Variants in NXPE2 observed in about 807,000 individuals in gnomAD.
NXPE2 encodes neurexophilin and PC-esterase domain family member 2.
In NXPE2, 34 loss-of-function variants were observed where a neutral mutation model predicts 34.4. That is an observed-to-expected ratio of 0.99 (90% CI 0.75 to 1.31). The LOEUF (loss-of-function observed/expected upper bound fraction) is 1.31, where lower values mean the gene tolerates loss of function less well. Ranked by LOEUF, NXPE2 falls within the 40% of genes most tolerant of loss-of-function variation. NXPE2 has a pLI of 0.00. For synonymous variants in NXPE2, 235 were observed against 231.3 expected (o/e 1.02, Z -0.15); for missense variants, 649 against 672.5 (o/e 0.97, Z 0.39).
chr11:114,612,014 T>C, the NXPE2 span, among the ~76,000 whole-genome samples: 1 of 151,740 alleles, frequency 6.6e-6, no homozygotes, highest in East Asian at 1.9e-4. Context: ...TCATGCCTCA[T>C]GGGTAACCAC....
At chr11:114,512,211 G>A in the NXPE2 span, among the ~76,000 whole-genome samples, 1 of 152,134 alleles carries the variant, frequency 6.6e-6, no homozygotes, top group African/African-American at 2.4e-5. Flanking sequence ...TTTCGAATGG[G>A]ATGCTTGGAT....
chr11:114,722,185 G>T, the NXPE2 span, among the ~76,000 whole-genome samples: 6 of 152,238 alleles, frequency 3.9e-5, no homozygotes, highest in Admixed American at 2.0e-4. Context: ...CATATCAAGG[G>T]AGGGACCTGA....
At chr11:114,522,283 T>C in the NXPE2 span, 1 of 1,613,968 alleles carries the variant, frequency 6.2e-7, no homozygotes, top group Non-Finnish European at 8.5e-7. Flanking sequence ...TGGGAAATGG[T>C]CTAAAGTGCT....
the NXPE2 span, among the ~76,000 whole-genome samples, chr11:114,755,643 T>C: frequency 6.6e-6 from 1 of 152,076 alleles, no homozygotes; most frequent in Admixed American, 6.5e-5. Context: ...TATCAACCCA[T>C]CTATTAATCT....
At chr11:114,670,816 T>C in the NXPE2 span, among the ~76,000 whole-genome samples, 1 of 151,768 alleles carries the variant, frequency 6.6e-6, no homozygotes, top group African/African-American at 2.4e-5. Context: ...ACAAAAATTA[T>C]AAGACATGCA....
upstream of NXPE2, among the ~76,000 whole-genome samples, chr11:114,676,102 G>GA (rs1347616900): frequency 2.0e-5 from 3 of 151,748 alleles, no homozygotes; most frequent in Non-Finnish European, 4.4e-5. Flanking sequence ...AAATCCAACT[G>GA]AAAATGGATT....
At chr11:114,718,360 A>G in the NXPE2 span, among the ~76,000 whole-genome samples, 10 of 152,220 alleles carry the variant, frequency 6.6e-5, no homozygotes, top group Non-Finnish European at 1.3e-4. Flanking sequence ...ATAAGCTATT[A>G]TTATCATTAC....
the NXPE2 span, among the ~76,000 whole-genome samples, chr11:114,769,611 C>T: frequency 6.6e-6 from 1 of 152,178 alleles, no homozygotes; most frequent in Non-Finnish European, 1.5e-5. Context: ...CACATATACA[C>T]CATGGAATAC....
the NXPE2 span, among the ~76,000 whole-genome samples, chr11:114,747,631 G>C: frequency 1.3e-5 from 2 of 152,084 alleles, no homozygotes; most frequent in Non-Finnish European, 2.9e-5. Flanking sequence ...AGAGGGCAAG[G>C]GGGGAACTGC....
chr11:114,723,052 A>G, the NXPE2 span, among the ~76,000 whole-genome samples: 2 of 152,228 alleles, frequency 1.3e-5, no homozygotes, highest in Non-Finnish European at 2.9e-5. Context: ...CATATTGTGC[A>G]TGGTTACATA....
At chr11:114,756,120 C>T in the NXPE2 span, among the ~76,000 whole-genome samples, 1 of 152,188 alleles carries the variant, frequency 6.6e-6, no homozygotes, top group Non-Finnish European at 1.5e-5. Flanking sequence ...TTACCTCTTT[C>T]TTCCTGGGCC....
At chr11:114,659,459 G>GAA in the NXPE2 span, among the ~76,000 whole-genome samples, 6 of 145,696 alleles carry the variant, frequency 4.1e-5, no homozygotes, top group African/African-American at 1.3e-4. Context: ...AAAGAGTGAA[G>GAA]AAAAAAAAAA....
chr11:114,637,781 G>C, the NXPE2 span, among the ~76,000 whole-genome samples: 1 of 151,920 alleles, frequency 6.6e-6, no homozygotes, highest in East Asian at 1.9e-4. Flanking sequence ...TAAGAATGTT[G>C]AATATTGGCC....
the NXPE2 span, among the ~76,000 whole-genome samples, chr11:114,804,242 C>T: frequency 1.3e-5 from 2 of 152,306 alleles, no homozygotes; most frequent in East Asian, 1.9e-4. Context: ...CTCCCTATTC[C>T]CATAGTCTGT....
chr11:114,553,720 A>G, the NXPE2 span: 1 of 985,366 alleles, frequency 1.0e-6, no homozygotes, highest in Non-Finnish European at 1.2e-6. Flanking sequence ...AGCTCTGCAT[A>G]TCCCAGTGTC....
chr11:114,590,095 T>C, the NXPE2 span, among the ~76,000 whole-genome samples: 12 of 152,212 alleles, frequency 7.9e-5, no homozygotes, highest in African/African-American at 2.9e-4. Context: ...CTCAGGGATT[T>C]TGAGATAATC....
At chr11:114,722,227 C>T in the NXPE2 span, among the ~76,000 whole-genome samples, 1 of 152,042 alleles carries the variant, frequency 6.6e-6, no homozygotes, top group South Asian at 2.1e-4. Context: ...GAGCAGTTTC[C>T]CCCATGCTGT....
At chr11:114,579,993 A>G in the NXPE2 span, 1 of 703,940 alleles carries the variant, frequency 1.4e-6, no homozygotes, top group Non-Finnish European at 2.5e-6. Context: ...GAAGGATAAC[A>G]ATGCCTTGTG....
chr11:114,629,097 G>A, the NXPE2 span, among the ~76,000 whole-genome samples: 1 of 152,044 alleles, frequency 6.6e-6, no homozygotes, highest in Non-Finnish European at 1.5e-5. Flanking sequence ...AGAGGTACAA[G>A]GAGGAACTGG....
Sources: gnomAD v4.1 joint callset for allele counts (sites outside exome capture counted in the v4.1 genomes callset) on GRCh38, gnomAD v4.1.1 for gene constraint, MANE v1.5 for transcripts, NCBI Gene and HGNC (gene_info 2026-07-23, HGNC 2026-07-21) for gene names.